Variants in PXYLP1 observed in about 807,000 individuals in gnomAD.
The protein encoded by PXYLP1 is 2-phosphoxylose phosphatase 1.
PXYLP1 carries 17 observed loss-of-function variants against 37.9 expected under a neutral mutation model. That is an observed-to-expected ratio of 0.45 (90% CI 0.31 to 0.67). PXYLP1 has a LOEUF of 0.67. PXYLP1 is among the 30% of genes least tolerant of loss of function. The pLI, the probability that PXYLP1 is intolerant of heterozygous loss-of-function variation, is 0.07. For missense variants in PXYLP1, 511 were observed against 612.0 expected (o/e 0.84, Z 1.74); for synonymous variants, 221 against 232.2 (o/e 0.95, Z 0.44).
chr3:141,260,399 C>A, intron 2 of PXYLP1, 145 bp downstream of exon 2: 1 of 906,188 alleles, frequency 1.1e-6, no homozygotes, highest in Non-Finnish European at 1.6e-6. Flanking sequence ...TGGCCGGTTG[C>A]AAGGAGGGAT....
chr3:141,233,931 C>A (rs985199118), intron 1 of PXYLP1, among the ~76,000 whole-genome samples: 3 of 152,170 alleles, frequency 2.0e-5, no homozygotes, highest in African/African-American at 7.2e-5. Flanking sequence ...TGTGATGAGT[C>A]GCTGTCAGAT....
rs774417581 is a variant in PXYLP1 at position 141,293,123 on chromosome 3, G to A, written c.1361G>A (p.Arg454His). 1.1e-5 allele frequency: 18 copies of A among 1,614,026 alleles called. No homozygotes were observed. Among genetic ancestry groups the A allele is most frequent in the African/African-American group, 5.3e-5 (4 of 74,914 alleles). Residue 454 changes from arginine to histidine, a missense_variant, in exon 6 of 6, where the codon CGC becomes CAC. Arg to His is a conservative substitution (Grantham distance 29). Coordinates refer to ENST00000286353, the MANE Select transcript of PXYLP1 (RefSeq NM_001037172.3). ...ATGTGCCCGCTTGAAAACTTGGTCC[G>A]CTTTGTGAAAAGGGACATGTTTGTA... ...KPMCPLENLV[R>H]FVKRDMFVAL...
chr3:141,267,491 A>AT (rs1284107458), intron 2 of PXYLP1: 1 of 151,770 alleles, frequency 6.6e-6, no homozygotes, highest in Admixed American at 6.6e-5. Flanking sequence ...TAAATTCTGT[A>AT]TTTTTTGTTA....
chr3:141,263,264 CA>C (rs1385937015), intron 2 of PXYLP1, among the ~76,000 whole-genome samples: 14 of 152,310 alleles, frequency 9.2e-5, no homozygotes, highest in Admixed American at 7.2e-4. Context: ...TAAGGAAATA[CA>C]GAAAAGATTA....
chr3:141,284,487 G>A (rs564987438), intron 4 of PXYLP1, among the ~76,000 whole-genome samples: 2 of 152,268 alleles, frequency 1.3e-5, no homozygotes, highest in East Asian at 1.9e-4. Flanking sequence ...TTTAGTGTAC[G>A]ACTAGTACAC....
At chr3:141,268,553 C>A (rs975223632) in intron 2 of PXYLP1, among the ~76,000 whole-genome samples, 10 of 152,192 alleles carry the variant, frequency 6.6e-5, no homozygotes, top group African/African-American at 2.4e-4. Context: ...GGAAGCCCAC[C>A]TTGAAATGAA....
chr3:141,276,688 G>A (rs970210760), intron 2 of PXYLP1, among the ~76,000 whole-genome samples: 4 of 152,124 alleles, frequency 2.6e-5, no homozygotes, highest in Non-Finnish European at 5.9e-5. Context: ...GTAGAATAAC[G>A]AGATCGGGGG....
chr3:141,256,763 C>T (rs1559884571), intron 1 of PXYLP1, among the ~76,000 whole-genome samples: 1 of 152,122 alleles, frequency 6.6e-6, no homozygotes, highest in Non-Finnish European at 1.5e-5. Context: ...TACATACACC[C>T]CTAGGGCTGT....
intron 5 of PXYLP1, among the ~76,000 whole-genome samples, chr3:141,289,162 G>A (rs1559897696): frequency 6.6e-6 from 1 of 151,912 alleles, no homozygotes; most frequent in Non-Finnish European, 1.5e-5. Flanking sequence ...TCAGGACATG[G>A]TTTTTCTGAA....
chr3:141,245,607 T>C (rs1940917315), intron 1 of PXYLP1, among the ~76,000 whole-genome samples: 1 of 152,168 alleles, frequency 6.6e-6, no homozygotes, highest in Non-Finnish European at 1.5e-5. Context: ...TTTATTTGTG[T>C]CTTTGATCTT....
intron 1 of PXYLP1, among the ~76,000 whole-genome samples, chr3:141,245,366 C>T (rs932605557): frequency 1.3e-5 from 2 of 152,192 alleles, no homozygotes; most frequent in Admixed American, 6.5e-5. Flanking sequence ...CCACACCTGG[C>T]TGCCAGCTCA....
At chr3:141,279,691 A>C (rs1429455306) in intron 4 of PXYLP1, among the ~76,000 whole-genome samples, 187 bp downstream of exon 4, 1 of 152,176 alleles carries the variant, frequency 6.6e-6, no homozygotes, top group Non-Finnish European at 1.5e-5. Flanking sequence ...CACCTGTTTG[A>C]AGCAACACAG....
chr3:141,274,656 G>A (rs1309711538), intron 2 of PXYLP1: 1 of 720,758 alleles, frequency 1.4e-6, no homozygotes, highest in South Asian at 1.5e-5. Context: ...CTGTCAGTCA[G>A]CGGGGGATAT....
rs1412729813 is a variant in PXYLP1 at position 141,274,313 on chromosome 3, C to A, written c.80-4029C>A. 2.2e-6 allele frequency: 3 copies of A among 1,375,590 alleles called. No homozygotes were observed. In the Admixed American group the frequency reaches 9.1e-5, roughly 42 times the overall value. 85.2% of individuals were successfully genotyped at this position (1,375,590 alleles called of 1,614,324 possible). ...TCCCAGCCTTCCTCCTGGAGCCCGG[C>A]CTGCACATCGACCCTGGTGAGGCCA... On this transcript the variant is annotated intron_variant, in intron 2 of 5. Transcript: ENST00000286353.
intron 1 of PXYLP1, among the ~76,000 whole-genome samples, chr3:141,256,326 G>A (rs1456753372): frequency 6.6e-6 from 1 of 152,150 alleles, no homozygotes; most frequent in Non-Finnish European, 1.5e-5. Flanking sequence ...GGAGCCAGTT[G>A]TCAAGACACA....
intron 1 of PXYLP1, among the ~76,000 whole-genome samples, chr3:141,248,640 CGT>C (rs1230838743): frequency 2.1e-5 from 2 of 93,956 alleles, no homozygotes; most frequent in Non-Finnish European, 4.1e-5. Flanking sequence ...TATATACACA[CGT>C]GTATATATAC....
At chr3:141,281,261 G>C (rs555664969) in intron 4 of PXYLP1, among the ~76,000 whole-genome samples, 3 of 152,326 alleles carry the variant, frequency 2.0e-5, no homozygotes, top group African/African-American at 7.2e-5. Context: ...CCCTGTGATG[G>C]TCCGGGGACA....
chr3:141,287,064 G>A (rs1397146467), intron 4 of PXYLP1, among the ~76,000 whole-genome samples: 1 of 152,206 alleles, frequency 6.6e-6, no homozygotes, highest in Non-Finnish European at 1.5e-5. Context: ...GATAGACGGC[G>A]AAGCTGAATC....
chr3:141,286,515 G>A (rs1173715649), intron 4 of PXYLP1, among the ~76,000 whole-genome samples: 1 of 152,172 alleles, frequency 6.6e-6, no homozygotes, highest in East Asian at 1.9e-4. Context: ...CTAGGAGGAA[G>A]GGATAGCTCG....
Sources: allele counts gnomAD v4.1 joint callset (sites outside exome capture counted in the v4.1 genomes callset), GRCh38; gene constraint gnomAD v4.1.1; transcripts MANE v1.5; gene names NCBI Gene and HGNC (gene_info 2026-07-23, HGNC 2026-07-21).